Variants in DLGAP2 observed in about 807,000 individuals in gnomAD.
DLGAP2 encodes DLG associated protein 2, also known as disks large-associated protein 2.
In DLGAP2, 26 loss-of-function variants were observed where a neutral mutation model predicts 100.3. The observed-to-expected ratio is 0.26, with a 90% CI of 0.19 to 0.36. The LOEUF is 0.36. Among genes scored for constraint, DLGAP2 ranks in the 10% least tolerant of loss-of-function variants. The pLI is 1.00. For synonymous variants in DLGAP2, 886 were observed against 630.1 expected (o/e 1.41, Z -6.08); for missense variants, 1,858 against 1,453.2 (o/e 1.28, Z -4.53).
At chr8:742,715 C>A (rs1223169169) in intron 1 of DLGAP2, among the ~76,000 whole-genome samples, 2 of 151,970 alleles carry the variant, frequency 1.3e-5, no homozygotes, top group African/African-American at 4.8e-5. Flanking sequence ...GCAGTGTTGC[C>A]CAGGCTGGCC....
At chr8:817,274 T>G (rs1796499954) in intron 1 of DLGAP2, among the ~76,000 whole-genome samples, 1 of 152,246 alleles carries the variant, frequency 6.6e-6, no homozygotes. Flanking sequence ...TTCCAGTGCA[T>G]TTTGCATTTC....
intron 2 of DLGAP2, among the ~76,000 whole-genome samples, chr8:1,239,692 C>G (rs1798741620): frequency 4.2e-5 from 1 of 23,614 alleles, no homozygotes; most frequent in African/African-American, 2.7e-4. Flanking sequence ...AGCGTCATGT[C>G]TAGTTGTTTC....
intron 2 of DLGAP2, among the ~76,000 whole-genome samples, chr8:1,175,735 G>A (rs1242139241): frequency 6.6e-6 from 1 of 152,198 alleles, no homozygotes; most frequent in Admixed American, 6.5e-5. Flanking sequence ...CCTGCTCTGT[G>A]TGAATGAATA....
intron 6 of DLGAP2, among the ~76,000 whole-genome samples, chr8:1,583,996 G>A (rs1202189933): frequency 5.9e-5 from 9 of 152,206 alleles, no homozygotes; most frequent in African/African-American, 2.2e-4. Flanking sequence ...GCTCCCTGGA[G>A]TTACGTCCCC....
At chr8:1,360,267 G>C (rs1455217533) in intron 3 of DLGAP2, among the ~76,000 whole-genome samples, 1 of 130,672 alleles carries the variant, frequency 7.7e-6, no homozygotes, top group Non-Finnish European at 1.6e-5. Flanking sequence ...CTTCTCCGGG[G>C]CGGGGCTTCT....
chr8:1,546,357 C>T (rs1290089563), intron 4 of DLGAP2, among the ~76,000 whole-genome samples: 1 of 152,176 alleles, frequency 6.6e-6, no homozygotes, highest in Non-Finnish European at 1.5e-5. Context: ...GTCAGTCTCT[C>T]GGGATCCCTC....
At position 1,642,119 on chromosome 8, in the gene DLGAP2, C is replaced by T. The variant is rs1168836486; in HGVS notation, c.1810+9073C>T. On this transcript the variant is annotated intron_variant, in intron 8 of 14. Coordinates refer to ENST00000637795, the MANE Select transcript of DLGAP2 (RefSeq NM_001346810.2). Reference sequence around the variant, plus strand: ...CCCGCCGGCCCTCACCTGTGTCACCCTCGACCCTGCCGGTCCTCACCTGTG... The same window carrying T: ...CCCGCCGGCCCTCACCTGTGTCACCTTCGACCCTGCCGGTCCTCACCTGTG... Among the ~76,000 whole-genome samples the T allele has an allele frequency of 2.1e-4, 3 of 14,482 alleles. 1 individual carries two copies. 9.5% of individuals were successfully genotyped at this position (14,482 alleles called of 152,430 possible). A position where few individuals can be genotyped will look rare whatever the true frequency, so the allele number is the denominator to read the frequency against.
At chr8:1,628,168 C>G (rs1194452431) in intron 7 of DLGAP2, among the ~76,000 whole-genome samples, 3 of 114,860 alleles carry the variant, frequency 2.6e-5, no homozygotes, top group Non-Finnish European at 5.0e-5. Flanking sequence ...GAGCTGACCT[C>G]ACATTCTCTC....
In DLGAP2 at chr8:1,668,232, G is replaced by C. The variant is rs1224076558; in HGVS notation, c.1811-97G>C. 9 of 1,172,836 alleles carry C rather than the reference G, an allele frequency of 7.7e-6. No homozygotes were observed. The East Asian group carries it at 1.1e-4, about 14-fold the overall frequency. 72.7% of individuals were successfully genotyped at this position (1,172,836 alleles called of 1,614,324 possible). A position where few individuals can be genotyped will look rare whatever the true frequency, so the allele number is the denominator to read the frequency against. The stretch of plus-strand genomic sequence containing the variant: ...AGGCTAGACGTCCAGGAACAGACTT[G>C]CTCCGTCAACCACAGGGCATGGGCG... On this transcript the variant is annotated intron_variant, in intron 8 of 14. Transcript: ENST00000637795.
chr8:1,496,423 A>G (rs2130303589), intron 3 of DLGAP2, among the ~76,000 whole-genome samples: 1 of 152,074 alleles, frequency 6.6e-6, no homozygotes, highest in South Asian at 2.1e-4. Flanking sequence ...GAAGGTGTTG[A>G]TGATGCAGCC....
chr8:856,632 A>C (rs1363425162), intron 1 of DLGAP2, among the ~76,000 whole-genome samples: 1 of 152,254 alleles, frequency 6.6e-6, no homozygotes, highest in Admixed American at 6.5e-5. Flanking sequence ...TTACATTAGT[A>C]CCAAAAAAAT....
intron 2 of DLGAP2, among the ~76,000 whole-genome samples, chr8:1,088,012 C>G (rs1391879533): frequency 1.3e-5 from 2 of 152,248 alleles, no homozygotes; most frequent in Non-Finnish European, 2.9e-5. Context: ...TTCACTGCGT[C>G]ACAGCTCTGG....
At chr8:1,506,373 G>A (rs557879881) in intron 4 of DLGAP2, among the ~76,000 whole-genome samples, 47 of 152,338 alleles carry the variant, frequency 3.1e-4, no homozygotes, top group Middle Eastern at 3.4e-3. Flanking sequence ...GAATGAAGCT[G>A]TGGACCTTTT....
chr8:1,313,362 A>G (rs760274662), intron 3 of DLGAP2, among the ~76,000 whole-genome samples: 3 of 152,110 alleles, frequency 2.0e-5, no homozygotes, highest in Non-Finnish European at 4.4e-5. Flanking sequence ...CTTCTTCACC[A>G]CTGGATTCTG....
At chr8:1,114,001 A>T (rs1202566603) in intron 2 of DLGAP2, among the ~76,000 whole-genome samples, 2 of 152,146 alleles carry the variant, frequency 1.3e-5, no homozygotes, top group East Asian at 1.9e-4. Flanking sequence ...AATCACATTG[A>T]TTGATTTGTG....
intron 1 of DLGAP2, among the ~76,000 whole-genome samples, chr8:813,134 A>G (rs1044440827): frequency 2.6e-5 from 4 of 152,218 alleles, no homozygotes; most frequent in East Asian, 1.9e-4. Context: ...ATATCTTTCA[A>G]CCAACAAAAT....
chr8:1,555,077 G>A (rs1183447203), intron 5 of DLGAP2, among the ~76,000 whole-genome samples: 2 of 152,154 alleles, frequency 1.3e-5, no homozygotes, highest in South Asian at 2.1e-4. Flanking sequence ...TCATGGTATA[G>A]ATCTGGGGCC....
intron 1 of DLGAP2, among the ~76,000 whole-genome samples, chr8:810,818 C>T (rs1796356650): frequency 6.6e-6 from 1 of 152,204 alleles, no homozygotes; most frequent in African/African-American, 2.4e-5. Context: ...CTGTCTGACA[C>T]ACTTCTAGTT....
rs1407117397 is a variant in DLGAP2, at chr8:1,345,467, C to G, written c.106+86584C>G. ...GACAAAATAAACAAATGATTTCACT[C>G]TCTCTCCCTTTGTTGAAAATAGTTT... On this transcript the variant is annotated intron_variant, in intron 3 of 14. Transcript: ENST00000637795. 2.6e-5 allele frequency among the ~76,000 whole-genome samples: 4 copies of G among 152,214 alleles called. No homozygotes were observed. In the East Asian group the frequency reaches 7.7e-4, roughly 29 times the overall value.
Sources: allele counts gnomAD v4.1 joint callset (sites outside exome capture counted in the v4.1 genomes callset), GRCh38; gene constraint gnomAD v4.1.1; transcripts MANE v1.5; gene names NCBI Gene and HGNC (gene_info 2026-07-23, HGNC 2026-07-21).